Variants in ZNF83 observed in about 807,000 individuals in gnomAD.
ZNF83 encodes the protein zinc finger protein 83.
For missense variants in ZNF83, 552 were observed against 629.9 expected (o/e 0.88, Z 1.32); for synonymous variants, 209 against 213.0 (o/e 0.98, Z 0.17).
intron 1 of ZNF83, chr19:52,660,975 T>C (rs10417506): frequency 0.28 from 42,868 of 152,100 alleles, 6,271 homozygotes; most frequent in Middle Eastern, 0.35. Context: ...AGGAATTCTC[T>C]TGCCTCAGTG....
At chr19:52,634,706 T>C (rs887679018) in intron 2 of ZNF83, among the ~76,000 whole-genome samples, 3 of 152,196 alleles carry the variant, frequency 2.0e-5, no homozygotes, top group Admixed American at 6.5e-5. Context: ...GTGACTTCCA[T>C]TGGCAGCTGC....
chr19:52,687,315 G>A lies in ZNF83; in HGVS notation c.-283+3128C>T, dbSNP rs186178057. 9.9e-4 allele frequency among the ~76,000 whole-genome samples: 134 copies of A among 135,958 alleles called. 4 individuals carry two copies. In the East Asian group the frequency reaches 0.019, roughly 19 times the overall value. 89.2% of individuals were successfully genotyped at this position (135,958 alleles called of 152,430 possible). ...GACCAGCTTGGGAATTTAAAACCCC[G>A]TTTTACAATTATATATATAGATATA... On this transcript the variant is annotated intron_variant, in intron 1 of 5. Coordinates refer to the ZNF83 transcript ENST00000594682.
At chr19:52,676,061 C>T (rs7250178) in intron 1 of ZNF83, among the ~76,000 whole-genome samples, 4,436 of 152,206 alleles carry the variant, frequency 0.029, 205 homozygotes, top group African/African-American at 0.1. Flanking sequence ...CTCCCTCTCC[C>T]GCTCACTGCA....
At chr19:52,620,683 C>T (rs935173252) in intron 2 of ZNF83, among the ~76,000 whole-genome samples, 6 of 152,286 alleles carry the variant, frequency 3.9e-5, no homozygotes, top group Non-Finnish European at 8.8e-5. Flanking sequence ...AGACACTAGG[C>T]GTCAGGCCTC....
intron 1 of ZNF83, among the ~76,000 whole-genome samples, chr19:52,679,721 A>C (rs2061876421): frequency 1.3e-5 from 2 of 152,182 alleles, no homozygotes; most frequent in African/African-American, 4.8e-5. Context: ...CAGGGTTTCC[A>C]GGGCGCCTCT....
intron 1 of ZNF83, among the ~76,000 whole-genome samples, chr19:52,668,038 G>A (rs536452179): frequency 1.5e-4 from 23 of 152,248 alleles, no homozygotes; most frequent in African/African-American, 5.1e-4. Flanking sequence ...ATGTCCCCAC[G>A]TTTAAAACAA....
At chr19:52,643,155 C>T (rs117149277), upstream of ZNF83, among the ~76,000 whole-genome samples, 4,418 of 141,606 alleles carry the variant, frequency 0.031, 89 homozygotes, top group Middle Eastern at 0.039. Flanking sequence ...TCCAGCTGGG[C>T]GACAGAGTGA....
At chr19:52,633,508 G>A (rs186981823) in intron 2 of ZNF83, among the ~76,000 whole-genome samples, 11 of 152,312 alleles carry the variant, frequency 7.2e-5, no homozygotes, top group East Asian at 5.8e-4. Flanking sequence ...TGACAGTAGC[G>A]GCTCCCCAGT....
chr19:52,663,509 T>C (rs1185751873), intron 1 of ZNF83, among the ~76,000 whole-genome samples: 1 of 152,200 alleles, frequency 6.6e-6, no homozygotes, highest in African/African-American at 2.4e-5. Context: ...ACTTAGAGGC[T>C]CACAGCTCAC....
intron 2 of ZNF83, among the ~76,000 whole-genome samples, chr19:52,631,917 T>C (rs879391147): frequency 1.0e-4 from 14 of 137,586 alleles, no homozygotes; most frequent in Non-Finnish European, 1.6e-4. Flanking sequence ...ATTCTACTAC[T>C]CCTCAGGGAT....
intron 1 of ZNF83, among the ~76,000 whole-genome samples, chr19:52,685,521 G>C (rs1401649168): frequency 6.6e-6 from 1 of 152,116 alleles, no homozygotes; most frequent in African/African-American, 2.4e-5. Context: ...ATGCAGAAGT[G>C]TGAACACACA....
At chr19:52,669,800 T>C (rs894091648) in intron 1 of ZNF83, among the ~76,000 whole-genome samples, 6 of 152,152 alleles carry the variant, frequency 3.9e-5, no homozygotes, top group Non-Finnish European at 7.4e-5. Context: ...CATGCATCCG[T>C]GGGTTGGTGC....
intron 2 of ZNF83, among the ~76,000 whole-genome samples, chr19:52,634,282 C>T (rs1169258608): frequency 2.7e-5 from 4 of 148,636 alleles, no homozygotes; most frequent in East Asian, 2.0e-4. Context: ...AAAGCAACAA[C>T]AATAATAATA....
intron 3 of ZNF83, among the ~76,000 whole-genome samples, chr19:52,647,913 C>T (rs1453230312): frequency 6.6e-6 from 1 of 151,538 alleles, no homozygotes; most frequent in Non-Finnish European, 1.5e-5. Context: ...CCCCTCTGTA[C>T]CCACTCTCTG....
At chr19:52,647,864 C>T (rs1050804316) in intron 3 of ZNF83, among the ~76,000 whole-genome samples, 1 of 151,684 alleles carries the variant, frequency 6.6e-6, no homozygotes, top group African/African-American at 2.4e-5. Context: ...CTCTGCACCT[C>T]CTCTTTTCTC....
Position 52,660,160 on chromosome 19 carries a change from C to T in ZNF83, c.-201+602G>A, listed in dbSNP as rs993519456. On this transcript the variant is annotated intron_variant, in intron 2 of 5. Transcript: ENST00000594682. ...ATGGTGGTAAGACCACAGTAGTAAG[C>T]TTTGCTTAAGTGAGTGGGAAATTTT... Among the ~76,000 whole-genome samples, 9 of 152,088 alleles carry T rather than the reference C, an allele frequency of 5.9e-5. No homozygotes were observed. In the South Asian group the frequency reaches 1.2e-3, roughly 21 times the overall value.
At position 52,613,990 on chromosome 19, in the gene ZNF83, A is replaced by G; in HGVS notation, c.575T>C (p.Leu192Pro). Residue 192 changes from leucine to proline, a missense_variant, in exon 3 of 3, where the codon CTT becomes CCT. Transcript: ENST00000301096. The stretch of plus-strand genomic sequence containing the variant: ...GGTATGAATTCTTTGATGTTGTGCA[A>G]GGTGTGAAATTTGATTAAAGACCTT... 6.2e-7 allele frequency: 1 copy of G among 1,613,580 alleles called. No individual in the cohort carries two copies. The highest frequency in any genetic ancestry group is 8.5e-7 in the Non-Finnish European group (1 of 1,179,744).
chr19:52,681,425 A>T (rs1222821990), intron 1 of ZNF83, among the ~76,000 whole-genome samples: 1 of 152,190 alleles, frequency 6.6e-6, no homozygotes, highest in Non-Finnish European at 1.5e-5. Flanking sequence ...ATTTGATAGA[A>T]AAGAAAAGAG....
intron 2 of ZNF83, among the ~76,000 whole-genome samples, chr19:52,624,903 C>T (rs902527441): frequency 1.3e-5 from 2 of 152,194 alleles, no homozygotes; most frequent in African/African-American, 4.8e-5. Flanking sequence ...TTCAGCTATA[C>T]TCACTCTTTG....
Sources: gnomAD v4.1 joint callset for allele counts (sites outside exome capture counted in the v4.1 genomes callset) on GRCh38, gnomAD v4.1.1 for gene constraint, MANE v1.5 for transcripts, NCBI Gene and HGNC (gene_info 2026-07-23, HGNC 2026-07-21) for gene names.